VAT1L: variants seen among roughly 807,000 people sequenced by gnomAD.
VAT1L encodes the protein putative NADPH-dependent quinone oxidoreductase VAT1L.
A neutral mutation model predicts 44.1 loss-of-function variants in VAT1L; 34 were observed. That is an observed-to-expected ratio of 0.77 (90% CI 0.59 to 1.03). The LOEUF (loss-of-function observed/expected upper bound fraction) is 1.03. VAT1L is among the 50% of genes least tolerant of loss of function. VAT1L has a pLI of 0.00. For missense variants in VAT1L, 615 were observed against 538.8 expected, an observed-to-expected ratio of 1.14 and a Z score of -1.40; for synonymous variants, 253 against 202.2, an observed-to-expected ratio of 1.25 and a Z score of -2.13.
chr16:77,956,929 G>A (rs764060154), intron 7 of VAT1L, among the ~76,000 whole-genome samples: 3 of 152,154 alleles, frequency 2.0e-5, no homozygotes, highest in Non-Finnish European at 2.9e-5. Flanking sequence ...GGATTATAGA[G>A]TCAACGTATC....
intron 4 of VAT1L, among the ~76,000 whole-genome samples, chr16:77,865,757 C>G (rs2016967247): frequency 6.6e-6 from 1 of 152,174 alleles, no homozygotes; most frequent in Non-Finnish European, 1.5e-5. Context: ...TCAGGAAAAG[C>G]TTGCTGAACT....
intron 7 of VAT1L, among the ~76,000 whole-genome samples, chr16:77,965,162 G>C (rs2018209772): frequency 6.6e-6 from 1 of 152,154 alleles, no homozygotes; most frequent in Non-Finnish European, 1.5e-5. Context: ...AGGACAGAGA[G>C]AGAACATCTG....
intron 7 of VAT1L, among the ~76,000 whole-genome samples, chr16:77,918,597 G>A (rs755480826): frequency 4.6e-5 from 7 of 152,134 alleles, no homozygotes; most frequent in Non-Finnish European, 8.8e-5. Context: ...CTGGGAGGGT[G>A]CGACCCATTT....
intron 7 of VAT1L, among the ~76,000 whole-genome samples, chr16:77,966,108 G>C (rs1423033163): frequency 6.6e-6 from 1 of 152,118 alleles, no homozygotes; most frequent in Non-Finnish European, 1.5e-5. Context: ...GATATATTTG[G>C]TTAAAGAAAA....
intron 7 of VAT1L, among the ~76,000 whole-genome samples, chr16:77,924,625 TAA>T (rs1355989443): frequency 6.6e-6 from 1 of 152,124 alleles, no homozygotes; most frequent in Non-Finnish European, 1.5e-5. Flanking sequence ...CACACCCACC[TAA>T]TTTTTTGTAT....
chr16:77,908,352 CT>C (rs1190756076), intron 7 of VAT1L, among the ~76,000 whole-genome samples: 1 of 148,456 alleles, frequency 6.7e-6, no homozygotes, highest in African/African-American at 2.5e-5. Context: ...ATCCCTGCTA[CT>C]TGGGAGGCTG....
At position 77,917,413 on chromosome 16, in the gene VAT1L, T is replaced by C. The variant is rs117316994; in HGVS notation, c.1077+32611T>C. On this transcript the variant is annotated intron_variant, in intron 7 of 8. Transcript: ENST00000302536. ...CCACATTACCTTTAATATTGAAAAA[T>C]AAAAATTGCTAAAGGAACTCAGGTT... 6.6e-3 allele frequency among the ~76,000 whole-genome samples: 1,000 copies of C among 152,270 alleles called. 33 individuals carry two copies. The South Asian group carries it at 0.11, about 16-fold the overall frequency.
intron 7 of VAT1L, among the ~76,000 whole-genome samples, chr16:77,939,675 C>T (rs1391834369): frequency 1.3e-5 from 2 of 152,126 alleles, no homozygotes; most frequent in Non-Finnish European, 2.9e-5. Flanking sequence ...AAAAGATACA[C>T]AGAGAGGCTT....
intron 3 of VAT1L, among the ~76,000 whole-genome samples, chr16:77,858,209 C>G (rs1264323185): frequency 3.3e-5 from 5 of 151,900 alleles, no homozygotes; most frequent in African/African-American, 1.2e-4. Flanking sequence ...CAAAGGGGCA[C>G]AAAAGGGGGC....
intron 7 of VAT1L, among the ~76,000 whole-genome samples, chr16:77,946,301 T>TTTTTTTTTTTTTA (rs2017965487): frequency 7.8e-6 from 1 of 127,820 alleles, no homozygotes; most frequent in African/African-American, 3.0e-5. Context: ...TTTTTTTTTT[T>TTTTTTTTTTTTTA]GAGACAGAGT....
chr16:77,827,666 G>A (rs576844355), intron 3 of VAT1L, among the ~76,000 whole-genome samples: 1 of 152,272 alleles, frequency 6.6e-6, no homozygotes, highest in South Asian at 2.1e-4. Context: ...AATAGTGAGT[G>A]AAAATAGGGG....
intron 7 of VAT1L, among the ~76,000 whole-genome samples, chr16:77,897,810 G>A (rs151235893): frequency 1.3e-5 from 2 of 152,154 alleles, no homozygotes; most frequent in Non-Finnish European, 2.9e-5. Flanking sequence ...CTTCCTAGTG[G>A]TTTGTCCTGT....
Position 77,804,711 on chromosome 16 carries a change from C to T in VAT1L, c.234-12210C>T, listed in dbSNP as rs541434057. Reference sequence around the variant, plus strand: ...TCCCCTTCCATCTTTTTTCCTCTCTCTCCTCATGAGTTGGCATCTTGTGCT... The same window carrying T: ...TCCCCTTCCATCTTTTTTCCTCTCTTTCCTCATGAGTTGGCATCTTGTGCT... On this transcript the variant is annotated intron_variant, in intron 1 of 8. Transcript: ENST00000302536. Among the ~76,000 whole-genome samples the T allele has an allele frequency of 3.1e-4, 47 of 152,262 alleles. 1 individual carries two copies. Among genetic ancestry groups the T allele is most frequent in the South Asian group, 1.0e-3 (5 of 4,822 alleles).
chr16:77,818,694 T>C (rs116733736), intron 2 of VAT1L, among the ~76,000 whole-genome samples: 2,902 of 152,338 alleles, frequency 0.019, 42 homozygotes, highest in African/African-American at 0.04. Flanking sequence ...TATCTTTTGC[T>C]AATTTGCCCT....
chr16:77,960,717 G>A (rs534407582), intron 7 of VAT1L, among the ~76,000 whole-genome samples: 17 of 152,124 alleles, frequency 1.1e-4, no homozygotes, highest in Non-Finnish European at 1.5e-4. Context: ...GAAGAGTGGA[G>A]GAACCCCCTA....
Position 77,825,384 on chromosome 16 carries a change from G to A in VAT1L, c.502G>A (p.Ala168Thr). The stretch of plus-strand genomic sequence containing the variant: ...TGCATTCCCCATGAACTTCGTCACA[G>A]CCTATGTGATGCTGTTTGAAGTTGC... ...AAAFPMNFVT[A>T]YVMLFEVANL... The change falls in exon 3 of 9, where the codon GCC becomes ACC. Residue 168 changes from alanine (A) to threonine (T), a missense_variant. Transcript: ENST00000302536. The A allele has an allele frequency of 2.5e-6, 4 of 1,613,830 alleles. No individual in the cohort carries two copies. Among genetic ancestry groups the A allele is most frequent in the Non-Finnish European group, 3.4e-6 (4 of 1,179,918 alleles).
At chr16:77,843,349 C>T (rs1402885909) in intron 3 of VAT1L, among the ~76,000 whole-genome samples, 1 of 152,000 alleles carries the variant, frequency 6.6e-6, no homozygotes, top group Non-Finnish European at 1.5e-5. Context: ...CAGGATGCCC[C>T]AACTTAAAGA....
chr16:77,865,321 C>T (rs9925708), intron 4 of VAT1L, among the ~76,000 whole-genome samples: 1,761 of 152,294 alleles, frequency 0.012, 33 homozygotes, highest in African/African-American at 0.04. Flanking sequence ...GGAAAATGAA[C>T]TATCGTTGTC....
chr16:77,805,865 C>CTTT lies in VAT1L; in HGVS notation c.234-11043_234-11041dup, dbSNP rs10689119. On this transcript the variant is annotated intron_variant, in intron 1 of 8. Coordinates refer to ENST00000302536, the MANE Select transcript of VAT1L (RefSeq NM_020927.3). ...GTGTTATTTTTTCCTTAGTCTCTGCCTTTTTTTTTTTTTTTGAGATGGAGT... is the reference window on the plus strand; with the variant it reads ...GTGTTATTTTTTCCTTAGTCTCTGCCTTTTTTTTTTTTTTTTTTGAGATGGAGT... Among the ~76,000 whole-genome samples the CTTT allele has an allele frequency of 5.0e-3, 398 of 78,850 alleles. 44 individuals carry two copies. The highest frequency in any genetic ancestry group is 0.014 in the African/African-American group (370 of 27,046). 51.7% of individuals were successfully genotyped at this position (78,850 alleles called of 152,430 possible). A position where few individuals can be genotyped will look rare whatever the true frequency, so the allele number is the denominator to read the frequency against.
Sources: allele counts gnomAD v4.1 joint callset (sites outside exome capture counted in the v4.1 genomes callset), GRCh38; gene constraint gnomAD v4.1.1; transcripts MANE v1.5; gene names NCBI Gene and HGNC (gene_info 2026-07-23, HGNC 2026-07-21).